MARVELD2: variants seen among roughly 807,000 people sequenced by gnomAD.
MARVELD2 encodes MARVEL domain containing 2, also known as MARVEL domain-containing protein 2.
Under a neutral mutation model 57.6 loss-of-function variants are expected in MARVELD2, and 49 were observed. The observed-to-expected ratio is 0.85, with a 90% CI of 0.68 to 1.08. The LOEUF is 1.08. MARVELD2 is among the 50% of genes least tolerant of loss of function. The pLI, the probability that MARVELD2 is intolerant of heterozygous loss-of-function variation, is 0.00. For synonymous variants in MARVELD2, 238 were observed against 258.8 expected, an observed-to-expected ratio of 0.92 and a Z score of 0.77; for missense variants, 606 against 701.1, an observed-to-expected ratio of 0.86 and a Z score of 1.53.
chr5:69,419,667 AAAGG>A lies in MARVELD2; in HGVS notation c.284_287del (p.Lys95ThrfsTer67), dbSNP rs1766543293. ...GGAAGAACTTTTTCAGAGGGAAGAA[AAAGG>A]ACCCCGAATGGGATAAGCCGGTGTC... On this transcript the variant is annotated frameshift_variant, in exon 2 of 7. Coordinates refer to ENST00000325631, the MANE Select transcript of MARVELD2 (RefSeq NM_001038603.3). LOFTEE classifies it high-confidence loss of function. The A allele has an allele frequency of 6.2e-7, 1 of 1,614,036 alleles. No homozygotes were observed. Among genetic ancestry groups the A allele is most frequent in the African/African-American group, 1.3e-5 (1 of 74,896 alleles).
chr5:69,437,205 G>T (rs1580498213), intron 5 of MARVELD2, among the ~76,000 whole-genome samples: 1 of 100,250 alleles, frequency 1.0e-5, no homozygotes, highest in African/African-American at 3.5e-5. Context: ...AAAAAAAAAA[G>T]AAACCATCCC....
intron 2 of MARVELD2, among the ~76,000 whole-genome samples, chr5:69,421,659 G>A (rs771692759): frequency 1.3e-4 from 20 of 151,404 alleles, no homozygotes; most frequent in Non-Finnish European, 2.4e-4. Context: ...ATGAGTATTT[G>A]CCATGTTGTC....
intron 3 of MARVELD2, among the ~76,000 whole-genome samples, chr5:69,426,124 A>G (rs1766784631): frequency 6.6e-6 from 1 of 151,972 alleles, no homozygotes; most frequent in South Asian, 2.1e-4. Flanking sequence ...GTGGCAGCAG[A>G]CAAATTATTT....
chr5:69,431,359 G>A (rs1266342095), intron 3 of MARVELD2, among the ~76,000 whole-genome samples: 4 of 150,860 alleles, frequency 2.7e-5, no homozygotes, highest in Admixed American at 6.6e-5. Flanking sequence ...GTGATCCACC[G>A]ACCTCGGCCT....
At chr5:69,440,267 C>T (rs925738214) in intron 5 of MARVELD2, among the ~76,000 whole-genome samples, 183 bp from the exon 6 acceptor site, 3 of 152,130 alleles carry the variant, frequency 2.0e-5, no homozygotes, top group Non-Finnish European at 2.9e-5. Flanking sequence ...TCTCTTTTAT[C>T]GCCTGGGCCT....
chr5:69,426,396 G>A (rs1439842444), intron 3 of MARVELD2, among the ~76,000 whole-genome samples: 1 of 150,230 alleles, frequency 6.7e-6, no homozygotes, highest in Non-Finnish European at 1.5e-5. Flanking sequence ...GTGCAGTGGT[G>A]CGATCTCAGC....
intron 5 of MARVELD2, among the ~76,000 whole-genome samples, chr5:69,438,126 T>A (rs1561303279): frequency 6.6e-6 from 1 of 152,194 alleles, no homozygotes; most frequent in Non-Finnish European, 1.5e-5. Flanking sequence ...CCAGTGGGCC[T>A]GTTTGGAGGC....
rs1435555421 is a variant in MARVELD2, at chr5:69,440,516, T to A, written c.1554+16T>A. On this transcript the variant is annotated intron_variant, in intron 6 of 6. Coordinates refer to ENST00000325631, the MANE Select transcript of MARVELD2 (RefSeq NM_001038603.3). ...AAAAAAGAATGTGAGTAAAACAGTT[T>A]TCTTCAAACTGTATTCTTATCCAAG... is the stretch of plus-strand genomic sequence containing the variant. The A allele has an allele frequency of 1.5e-6, 2 of 1,351,366 alleles. No individual in the cohort carries two copies. Among genetic ancestry groups the A allele is most frequent in the Admixed American group, 3.4e-5 (2 of 58,600 alleles). The allele number at this position is 1,351,366 out of a possible 1,614,324, so 83.7% of individuals were successfully genotyped here.
chr5:69,432,358 C>G (rs749025275), intron 3 of MARVELD2, among the ~76,000 whole-genome samples, 169 bp from the exon 4 acceptor site: 2 of 152,120 alleles, frequency 1.3e-5, no homozygotes, highest in African/African-American at 2.4e-5. Context: ...CCAGGCTGGT[C>G]TTGAACTCCT....
chr5:69,422,182 G>A (rs1766649609), intron 2 of MARVELD2, among the ~76,000 whole-genome samples: 3 of 152,058 alleles, frequency 2.0e-5, no homozygotes, highest in Admixed American at 6.6e-5. Context: ...ATGTGTGTTT[G>A]AACAATATGA....
In MARVELD2 at chr5:69,415,157, T is replaced by G. The variant is rs1047023856; in HGVS notation, c.-29T>G. ...TCCTGGGCAGCGTGCGCGCTCTTCC[T>G]GGCGGCTGCGCAGGTAAGTGGGACC... On this transcript the variant is annotated 5_prime_UTR_variant, in exon 1 of 7. Coordinates refer to ENST00000325631, the MANE Select transcript of MARVELD2 (RefSeq NM_001038603.3). 6 of 152,300 alleles carry G rather than the reference T, an allele frequency of 3.9e-5. No individual in the cohort carries two copies. The highest frequency in any genetic ancestry group is 6.5e-5 in the Admixed American group (1 of 15,290). The allele number at this position is 152,300 out of a possible 1,614,324, so 9.4% of individuals were successfully genotyped here.
chr5:69,420,526 C>G lies in MARVELD2; in HGVS notation c.1141C>G (p.Gln381Glu). The part of the protein sequence containing the change: ...ARRHREYMEQ[Q>E]EINEPSLSSK... ...GAGACATAGAGAATATATGGAACAA[C>G]AGGAGGTAAGTGATTTCATAATCCC... is the stretch of plus-strand genomic sequence containing the variant. Residue 381 changes from glutamine to glutamate, a missense_variant, in exon 2 of 7, where the codon CAG becomes GAG. Gln to Glu is a conservative substitution (Grantham distance 29). Transcript: ENST00000325631. 1.2e-6 allele frequency: 2 copies of G among 1,609,808 alleles called. No individual in the cohort carries two copies. Among genetic ancestry groups the G allele is most frequent in the Non-Finnish European group, 1.7e-6 (2 of 1,179,924 alleles).
Position 69,443,249 on chromosome 5 carries a change from A to ATCATACCAC in MARVELD2, c.*1595_*1596insTCATACCAC, listed in dbSNP as rs1767378560. 1 of 139,184 alleles carries ATCATACCAC rather than the reference A, an allele frequency of 7.2e-6. No homozygotes were observed. Among genetic ancestry groups the ATCATACCAC allele is most frequent in the Non-Finnish European group, 1.5e-5 (1 of 66,126 alleles). 8.6% of individuals were successfully genotyped at this position (139,184 alleles called of 1,614,324 possible). A position where few individuals can be genotyped will look rare whatever the true frequency, so the allele number is the denominator to read the frequency against. The stretch of plus-strand genomic sequence containing the variant: ...GTTTCGCTCTTGTTGCCCAGGCTGG[A>ATCATACCAC]GTACAGTGGTATGATCTTGGCTCAC... On this transcript the variant is annotated 3_prime_UTR_variant, in exon 7 of 7. Coordinates refer to ENST00000325631, the MANE Select transcript of MARVELD2 (RefSeq NM_001038603.3).
intron 1 of MARVELD2, among the ~76,000 whole-genome samples, chr5:69,418,357 G>A (rs1766493387): frequency 2.0e-5 from 3 of 152,160 alleles, no homozygotes; most frequent in Admixed American, 2.0e-4. Flanking sequence ...TTCTGTATAT[G>A]GGTGCAGAGC....
rs1554046974 is a variant in MARVELD2, at chr5:69,426,320, C to CATCATTATTATTATTATT, written c.1182+1686_1182+1687insCATTATTATTATTATTAT. ...TACCCTCATTTTTTGAGATACTGGA[C>CATCATTATTATTATTATT]ATTATTATTATTATTATTATTATTA... On this transcript the variant is annotated intron_variant, in intron 3 of 6. Coordinates refer to ENST00000325631, the MANE Select transcript of MARVELD2 (RefSeq NM_001038603.3). Among the ~76,000 whole-genome samples, 5 of 140,116 alleles carry CATCATTATTATTATTATT rather than the reference C, an allele frequency of 3.6e-5. No individual in the cohort carries two copies. In the Admixed American group the frequency reaches 3.7e-4, roughly 10 times the overall value. The allele number at this position is 140,116 out of a possible 152,430, so 91.9% of individuals were successfully genotyped here.
chr5:69,420,133 G>A lies in MARVELD2; in HGVS notation c.748G>A (p.Gly250Ser). ...TATGTATGGGGGCTATTACTACACT[G>A]GCCCTAAGACCCCTTTTGTACTCGT... is the stretch of plus-strand genomic sequence containing the variant. ...GSMYGGYYYT[G>S]PKTPFVLVVA... The change falls in exon 2 of 7, where the codon GGC becomes AGC. Residue 250 changes from glycine to serine, a missense_variant. Transcript: ENST00000325631. The A allele has an allele frequency of 6.2e-7, 1 of 1,614,066 alleles. No individual in the cohort carries two copies. The highest frequency in any genetic ancestry group is 8.5e-7 in the Non-Finnish European group (1 of 1,180,026).
At position 69,419,761 on chromosome 5, in the gene MARVELD2, C is replaced by G; in HGVS notation, c.376C>G (p.His126Asp). 1 of 1,614,130 alleles carries G rather than the reference C, an allele frequency of 6.2e-7. No individual in the cohort carries two copies. The highest frequency in any genetic ancestry group is 2.2e-5 in the East Asian group (1 of 44,890). ...ACCAGCCTCTCCAGCAAGACCAAAC[C>G]ACCGTTCGCCCCTCAACTCCTGCAA... The part of the protein sequence containing the change: ...SPPASPARPN[H>D]RSPLNSCKDP... Residue 126 changes from histidine to aspartate, a missense_variant, in exon 2 of 7, where the codon CAC becomes GAC. His to Asp is a moderately conservative substitution (Grantham distance 81, BLOSUM62 -1). Transcript: ENST00000325631.
At position 69,432,626 on chromosome 5, in the gene MARVELD2, A is replaced by G; in HGVS notation, c.1282A>G (p.Ile428Val). The G allele has an allele frequency of 6.2e-7, 1 of 1,614,148 alleles. No individual in the cohort carries two copies. The highest frequency in any genetic ancestry group is 8.5e-7 in the Non-Finnish European group (1 of 1,180,024). ...KMKPELLSGH[I>V]PPGHIPKPIV... is the part of the protein sequence containing the mutation. ...GAAACCTGAACTACTGAGTGGACAC[A>G]TCCCCCCAGGCCACATTCCTAAACC... The change falls in exon 4 of 7, where the codon ATC becomes GTC. Residue 428 changes from isoleucine to valine, a missense_variant. By Grantham distance (29) the Ile-to-Val change is conservative. Transcript: ENST00000325631.
intron 3 of MARVELD2, among the ~76,000 whole-genome samples, chr5:69,431,871 C>CT (rs1766974573): frequency 1.6e-5 from 2 of 125,066 alleles, no homozygotes; most frequent in Admixed American, 9.4e-5. Flanking sequence ...GAGTCTCACT[C>CT]TATCGCCCAG....
Sources: gnomAD v4.1 joint callset for allele counts (sites outside exome capture counted in the v4.1 genomes callset) on GRCh38, gnomAD v4.1.1 for gene constraint, MANE v1.5 for transcripts, NCBI Gene and HGNC (gene_info 2026-07-23, HGNC 2026-07-21) for gene names.